The following GRIA4 variants were observed in gnomAD, a reference collection of about 807,000 sequenced individuals.
The protein encoded by GRIA4 is glutamate receptor 4.
GRIA4 carries 34 observed loss-of-function variants against 104.0 expected under a neutral mutation model. The ratio of observed to expected loss-of-function variants is 0.33; its 90% CI spans 0.25 to 0.44. GRIA4 has a LOEUF of 0.44. Ranked by LOEUF, GRIA4 falls within the 20% of genes least tolerant of loss-of-function variation. The pLI, the probability that GRIA4 is intolerant of heterozygous loss-of-function variation, is 1.00. For missense variants in GRIA4, 750 were observed against 1,096.5 expected, an observed-to-expected ratio of 0.68 and a Z score of 4.46; for synonymous variants, 386 against 381.9, an observed-to-expected ratio of 1.01 and a Z score of -0.13.
intron 14 of GRIA4, among the ~76,000 whole-genome samples, chr11:105,962,625 G>T (rs1403641396): frequency 6.6e-6 from 1 of 152,094 alleles, no homozygotes; most frequent in Non-Finnish European, 1.5e-5. Flanking sequence ...ATTACTATGA[G>T]AAAAGCTATT....
intron 5 of GRIA4, among the ~76,000 whole-genome samples, chr11:105,868,943 T>G (rs972024828): frequency 1.3e-5 from 2 of 152,162 alleles, no homozygotes; most frequent in Non-Finnish European, 2.9e-5. Context: ...TTAATATTAC[T>G]ATTTAGCAGA....
chr11:105,628,590 T>C (rs1460492743), intron 3 of GRIA4, among the ~76,000 whole-genome samples: 3 of 152,170 alleles, frequency 2.0e-5, no homozygotes, highest in Admixed American at 6.5e-5. Flanking sequence ...TTGCTTCCTC[T>C]TCCACCATGA....
chr11:105,696,115 T>C lies in GRIA4; in HGVS notation c.248-56866T>C, dbSNP rs564093599. ...TTGGCTGCCCTCACTACCTGGTTCA[T>C]TGATCACCCACCATATCTGCCCACC... On this transcript the variant is annotated intron_variant, in intron 3 of 16. Coordinates refer to ENST00000282499, the MANE Select transcript of GRIA4 (RefSeq NM_000829.4). Among the ~76,000 whole-genome samples, 10 of 152,352 alleles carry C rather than the reference T, an allele frequency of 6.6e-5. No homozygotes were observed. In the South Asian group the frequency reaches 2.1e-3, roughly 32 times the overall value.
chr11:105,893,326 A>G (rs1271601977), intron 6 of GRIA4, among the ~76,000 whole-genome samples: 2 of 152,316 alleles, frequency 1.3e-5, no homozygotes, highest in East Asian at 3.9e-4. Flanking sequence ...AATGGCCACC[A>G]AAATAAATGT....
chr11:105,687,703 A>G (rs1204473061), intron 3 of GRIA4, among the ~76,000 whole-genome samples: 1 of 152,228 alleles, frequency 6.6e-6, no homozygotes, highest in East Asian at 1.9e-4. Flanking sequence ...GCCATATTGC[A>G]GGTGAGAGAT....
chr11:105,916,458 T>A (rs190566992), intron 10 of GRIA4, among the ~76,000 whole-genome samples: 1 of 152,326 alleles, frequency 6.6e-6, no homozygotes, highest in Admixed American at 6.5e-5. Flanking sequence ...GTTCCCCACA[T>A]CTTATACTCC....
At chr11:105,664,169 C>A (rs1248868177) in intron 3 of GRIA4, among the ~76,000 whole-genome samples, 2 of 148,322 alleles carry the variant, frequency 1.3e-5, no homozygotes, top group Non-Finnish European at 3.0e-5. Flanking sequence ...TTTTATGGAA[C>A]CTACATTCTA....
intron 3 of GRIA4, among the ~76,000 whole-genome samples, chr11:105,643,105 A>G (rs551945871): frequency 6.6e-6 from 1 of 152,188 alleles, no homozygotes; most frequent in Non-Finnish European, 1.5e-5. Context: ...CCATGATTCA[A>G]CTACCAACTA....
At chr11:105,972,463 G>T (rs1178382853) in intron 15 of GRIA4, among the ~76,000 whole-genome samples, 1 of 151,958 alleles carries the variant, frequency 6.6e-6, no homozygotes, top group African/African-American at 2.4e-5. Flanking sequence ...TTACTCAGAG[G>T]TTCAGTCTTT....
At chr11:105,976,504 C>A (rs893185188) in intron 16 of GRIA4, among the ~76,000 whole-genome samples, 22 of 151,950 alleles carry the variant, frequency 1.4e-4, no homozygotes, top group African/African-American at 5.3e-4. Flanking sequence ...AAATAGGAAG[C>A]ATTCATTGGA....
At chr11:105,757,856 A>G (rs1156564799) in intron 4 of GRIA4, among the ~76,000 whole-genome samples, 1 of 152,160 alleles carries the variant, frequency 6.6e-6, no homozygotes, top group African/African-American at 2.4e-5. Context: ...AGTCCAACAA[A>G]CAAATTACAA....
chr11:105,968,249 A>T (rs139159355), intron 14 of GRIA4, among the ~76,000 whole-genome samples: 68 of 152,296 alleles, frequency 4.5e-4, no homozygotes, highest in Non-Finnish European at 2.1e-4. Flanking sequence ...GAGAGAGCTG[A>T]CTCACTTGTC....
chr11:105,791,495 A>T (rs1286820229), intron 4 of GRIA4, among the ~76,000 whole-genome samples: 31 of 152,308 alleles, frequency 2.0e-4, no homozygotes, highest in Admixed American at 2.0e-3. Context: ...TTCCATATTC[A>T]TCGTTAATGA....
In GRIA4 at chr11:105,941,601, C is replaced by G. The variant is rs1460585380; in HGVS notation, c.2294+7632C>G. Among the ~76,000 whole-genome samples, 6 of 152,014 alleles carry G rather than the reference C, an allele frequency of 3.9e-5. No homozygotes were observed. The East Asian group carries it at 9.6e-4, about 24-fold the overall frequency. Reference sequence around the variant, plus strand: ...TGTACTCAATGAAGAAATTGACCCACAGATAAGTTTCTACAGAAATGTTAA... The same window carrying G: ...TGTACTCAATGAAGAAATTGACCCAGAGATAAGTTTCTACAGAAATGTTAA... On this transcript the variant is annotated intron_variant, in intron 14 of 16. Coordinates refer to ENST00000282499, the MANE Select transcript of GRIA4 (RefSeq NM_000829.4).
At chr11:105,964,645 T>A (rs1430610027) in intron 14 of GRIA4, among the ~76,000 whole-genome samples, 5 of 152,150 alleles carry the variant, frequency 3.3e-5, no homozygotes, top group Non-Finnish European at 2.9e-5. Context: ...TCCCTCAGCA[T>A]ATGAGCCACT....
At chr11:105,644,559 G>A (rs938779160) in intron 3 of GRIA4, among the ~76,000 whole-genome samples, 3 of 152,194 alleles carry the variant, frequency 2.0e-5, no homozygotes, top group Admixed American at 1.3e-4. Flanking sequence ...AGCTGAGATC[G>A]TGCAATCGCA....
chr11:105,755,519 TG>T (rs1365670990), intron 4 of GRIA4, among the ~76,000 whole-genome samples: 2 of 152,186 alleles, frequency 1.3e-5, no homozygotes, highest in African/African-American at 4.8e-5. Context: ...CTAAGCAACA[TG>T]ATTTCAGGCT....
At chr11:105,893,997 G>A (rs553726446) in intron 6 of GRIA4, among the ~76,000 whole-genome samples, 2 of 152,254 alleles carry the variant, frequency 1.3e-5, no homozygotes, top group South Asian at 4.1e-4. Context: ...TGTCAAATTA[G>A]TGGGCATATA....
intron 14 of GRIA4, among the ~76,000 whole-genome samples, chr11:105,959,131 T>C (rs901903905): frequency 6.6e-6 from 1 of 152,206 alleles, no homozygotes; most frequent in African/African-American, 2.4e-5. Context: ...GTGTTCTCTG[T>C]ATTTCCTGAA....
Sources: allele counts gnomAD v4.1 joint callset (sites outside exome capture counted in the v4.1 genomes callset), GRCh38; gene constraint gnomAD v4.1.1; transcripts MANE v1.5; gene names NCBI Gene and HGNC (gene_info 2026-07-23, HGNC 2026-07-21).